Variants in TBC1D22A observed in about 807,000 individuals in gnomAD.
The protein encoded by TBC1D22A is TBC1 domain family member 22A.
A neutral mutation model predicts 60.2 loss-of-function variants in TBC1D22A; 38 were observed. That is an observed-to-expected ratio of 0.63 (90% CI 0.49 to 0.83). The LOEUF is 0.83. Among genes scored for constraint, TBC1D22A ranks in the 40% least tolerant of loss-of-function variants. TBC1D22A has a pLI of 0.00. For missense variants in TBC1D22A, 628 were observed against 701.0 expected, an observed-to-expected ratio of 0.90 and a Z score of 1.18; for synonymous variants, 302 against 281.7, an observed-to-expected ratio of 1.07 and a Z score of -0.72.
intron 8 of TBC1D22A, among the ~76,000 whole-genome samples, chr22:46,952,042 C>T (rs115912739): frequency 0.016 from 2,452 of 152,326 alleles, 61 homozygotes; most frequent in African/African-American, 0.056. Context: ...CTGAGCCCCA[C>T]AGCACAGGGC....
intron 11 of TBC1D22A, among the ~76,000 whole-genome samples, chr22:47,049,982 C>T (rs964500172): frequency 6.6e-6 from 1 of 152,220 alleles, no homozygotes; most frequent in Non-Finnish European, 1.5e-5. Context: ...TTGGTTTGCC[C>T]TGCAGCCAGC....
intron 1 of TBC1D22A, among the ~76,000 whole-genome samples, chr22:46,783,647 T>TA (rs11434171): frequency 0.42 from 64,294 of 151,888 alleles, 13,738 homozygotes; most frequent in South Asian, 0.48. Context: ...ATTTCGCATT[T>TA]AAAAAATTTT....
chr22:46,908,067 G>T (rs959898114), intron 7 of TBC1D22A, among the ~76,000 whole-genome samples: 2 of 152,200 alleles, frequency 1.3e-5, no homozygotes, highest in South Asian at 2.1e-4. Flanking sequence ...GCATTGTCTC[G>T]TCAGGGTCTT....
intron 1 of TBC1D22A, among the ~76,000 whole-genome samples, chr22:46,766,861 G>A (rs999851916): frequency 1.3e-5 from 2 of 152,124 alleles, no homozygotes; most frequent in Non-Finnish European, 2.9e-5. Context: ...TATGCAGCCT[G>A]AACTAAAGTC....
At chr22:46,847,422 G>A (rs2087052755) in intron 4 of TBC1D22A, among the ~76,000 whole-genome samples, 1 of 152,188 alleles carries the variant, frequency 6.6e-6, no homozygotes, top group Non-Finnish European at 1.5e-5. Flanking sequence ...CATGAAGGTT[G>A]GCCTGGTTTA....
intron 1 of TBC1D22A, among the ~76,000 whole-genome samples, chr22:46,783,163 C>T (rs1023914339): frequency 2.6e-5 from 4 of 152,086 alleles, no homozygotes; most frequent in Non-Finnish European, 5.9e-5. Context: ...AAGTGGTATC[C>T]GATGGTGGTT....
At chr22:47,133,838 A>C (rs2066766906) in intron 12 of TBC1D22A, among the ~76,000 whole-genome samples, 1 of 152,238 alleles carries the variant, frequency 6.6e-6, no homozygotes, top group Non-Finnish European at 1.5e-5. Context: ...AGCACGATCA[A>C]CACGGCCCCG....
intron 4 of TBC1D22A, among the ~76,000 whole-genome samples, chr22:46,833,994 C>CT (rs1008861214): frequency 6.6e-6 from 1 of 152,078 alleles, no homozygotes; most frequent in Admixed American, 6.5e-5. Flanking sequence ...TTTTCTTTTT[C>CT]TTTTTTTCTA....
At chr22:47,072,505 T>C (rs1168963024) in intron 11 of TBC1D22A, among the ~76,000 whole-genome samples, 2 of 152,248 alleles carry the variant, frequency 1.3e-5, no homozygotes, top group Non-Finnish European at 2.9e-5. Context: ...TTGCCTGGTA[T>C]GTTTCAGATG....
rs370922243 is a variant in TBC1D22A, at chr22:47,021,453, C to T, written c.1202-15618C>T. On this transcript the variant is annotated intron_variant, in intron 10 of 12. Coordinates refer to ENST00000337137, the MANE Select transcript of TBC1D22A (RefSeq NM_014346.5). ...GGGAACCTAGCAGAACCTCACCTGTCGCCTGGAGCCCTGAGCAGGGAACCT... is the reference window on the plus strand; with the variant it reads ...GGGAACCTAGCAGAACCTCACCTGTTGCCTGGAGCCCTGAGCAGGGAACCT... Among the ~76,000 whole-genome samples the T allele has an allele frequency of 2.1e-4, 25 of 121,102 alleles. No individual in the cohort carries two copies. In the East Asian group the frequency reaches 2.4e-3, roughly 11 times the overall value. The allele number at this position is 121,102 out of a possible 152,430, so 79.4% of individuals were successfully genotyped here.
chr22:46,786,257 C>T (rs1321076598), intron 1 of TBC1D22A, among the ~76,000 whole-genome samples: 2 of 152,130 alleles, frequency 1.3e-5, no homozygotes, highest in Non-Finnish European at 2.9e-5. Context: ...TTTTCTGCAT[C>T]TATTTAGATG....
chr22:47,170,584 G>A (rs543845715), intron 12 of TBC1D22A, among the ~76,000 whole-genome samples: 5 of 152,206 alleles, frequency 3.3e-5, no homozygotes, highest in East Asian at 1.9e-4. Flanking sequence ...CAGCAACTGC[G>A]AAATAGCAAT....
intron 9 of TBC1D22A, among the ~76,000 whole-genome samples, chr22:46,978,347 TAAC>T (rs895670448): frequency 2.0e-5 from 3 of 152,246 alleles, no homozygotes; most frequent in African/African-American, 7.2e-5. Context: ...GTAATTTATT[TAAC>T]AACAACAATG....
intron 8 of TBC1D22A, among the ~76,000 whole-genome samples, chr22:46,934,006 A>G (rs182195815): frequency 6.6e-6 from 1 of 152,126 alleles, no homozygotes; most frequent in Non-Finnish European, 1.5e-5. Context: ...TTTATATTTG[A>G]TATGTGCCTT....
chr22:46,817,082 T>C (rs2085632907), intron 4 of TBC1D22A, among the ~76,000 whole-genome samples: 1 of 152,218 alleles, frequency 6.6e-6, no homozygotes, highest in South Asian at 2.1e-4. Flanking sequence ...AGTAGGCACA[T>C]CTTTTTGTAA....
chr22:47,050,847 C>A (rs1443508169), intron 11 of TBC1D22A, among the ~76,000 whole-genome samples: 28 of 152,202 alleles, frequency 1.8e-4, no homozygotes. Context: ...TCTGCCATGC[C>A]CTGGACAGGT....
At chr22:46,900,199 T>C (rs956677120) in intron 7 of TBC1D22A, among the ~76,000 whole-genome samples, 1 of 151,466 alleles carries the variant, frequency 6.6e-6, no homozygotes, top group Non-Finnish European at 1.5e-5. Flanking sequence ...CCTAGGCTGC[T>C]GGAGTGCAGT....
chr22:46,945,422 A>C (rs1378957782), intron 8 of TBC1D22A, among the ~76,000 whole-genome samples: 1 of 152,180 alleles, frequency 6.6e-6, no homozygotes, highest in South Asian at 2.1e-4. Context: ...TTTCCTTGTT[A>C]TTATGTCTTA....
intron 1 of TBC1D22A, among the ~76,000 whole-genome samples, chr22:46,775,295 A>G (rs759401058): frequency 5.9e-5 from 9 of 152,346 alleles, no homozygotes; most frequent in Admixed American, 1.3e-4. Context: ...GGGACTCCCT[A>G]CATTATGCTG....
Sources: allele counts gnomAD v4.1 joint callset (sites outside exome capture counted in the v4.1 genomes callset), GRCh38; gene constraint gnomAD v4.1.1; transcripts MANE v1.5; gene names NCBI Gene and HGNC (gene_info 2026-07-23, HGNC 2026-07-21).